Variants in FARP1 observed in about 807,000 individuals in gnomAD.
FARP1 encodes the protein FERM, ARH/RhoGEF and pleckstrin domain protein 1.
A neutral mutation model predicts 128.8 loss-of-function variants in FARP1; 52 were observed. The ratio of observed to expected loss-of-function variants is 0.40; its 90% CI spans 0.32 to 0.51. The LOEUF is 0.51. FARP1 is among the 20% of genes least tolerant of loss of function. FARP1 has a pLI of 0.45. For missense variants in FARP1, 1,333 were observed against 1,367.9 expected (o/e 0.97, Z 0.40); for synonymous variants, 580 against 551.8 (o/e 1.05, Z -0.72).
chr13:98,238,548 G>A (rs1202972586), intron 2 of FARP1, among the ~76,000 whole-genome samples: 1 of 152,166 alleles, frequency 6.6e-6, no homozygotes, highest in African/African-American at 2.4e-5. Flanking sequence ...CACAATCATG[G>A]CAGAAGGCAA....
intron 2 of FARP1, among the ~76,000 whole-genome samples, chr13:98,215,064 C>T (rs1168154089): frequency 1.3e-5 from 2 of 152,196 alleles, no homozygotes; most frequent in African/African-American, 4.8e-5. Context: ...TGTGTGCACT[C>T]ACTCCAGGGA....
chr13:98,408,226 C>T (rs1328933994), intron 13 of FARP1, among the ~76,000 whole-genome samples: 1 of 151,452 alleles, frequency 6.6e-6, no homozygotes, highest in East Asian at 1.9e-4. Context: ...CATGTAGCTT[C>T]ATTGGGTTGA....
chr13:98,445,836 A>C, intron 24 of FARP1: 1 of 395,806 alleles, frequency 2.5e-6, no homozygotes, highest in Non-Finnish European at 4.6e-6. Flanking sequence ...GTTCTAAGGT[A>C]CTGGTAGTCA....
chr13:98,265,715 A>G lies in FARP1; in HGVS notation c.171+52302A>G, dbSNP rs560724933. Among the ~76,000 whole-genome samples, 168 of 152,346 alleles carry G rather than the reference A, an allele frequency of 1.1e-3. 2 individuals are homozygous for G. Among genetic ancestry groups the G allele is most frequent in the African/African-American group, 3.8e-3 (157 of 41,572 alleles). On this transcript the variant is annotated intron_variant, in intron 2 of 26. Transcript: ENST00000319562. ...AACTGTGCTTCTCTGAGCTACACCC[A>G]TCCCTTGTTGCTTAACTGTAAAAAT...
chr13:98,321,630 T>A (rs1886995531), intron 2 of FARP1, among the ~76,000 whole-genome samples: 1 of 152,198 alleles, frequency 6.6e-6, no homozygotes, highest in African/African-American at 2.4e-5. Flanking sequence ...GACAGAAGGC[T>A]CTGTGACAAA....
intron 2 of FARP1, among the ~76,000 whole-genome samples, chr13:98,220,287 G>A (rs577894803): frequency 1.7e-4 from 26 of 152,246 alleles, no homozygotes; most frequent in South Asian, 6.2e-4. Context: ...CACATAAGAG[G>A]TGGAGGTGGT....
At chr13:98,233,946 C>T (rs559665749) in intron 2 of FARP1, 3 of 152,308 alleles carry the variant, frequency 2.0e-5, no homozygotes, top group African/African-American at 7.2e-5. Flanking sequence ...AGGAAATTAC[C>T]ATCCCACATC....
At chr13:98,287,204 A>AGGCCT (rs1327624660) in intron 2 of FARP1, among the ~76,000 whole-genome samples, 28 of 114,842 alleles carry the variant, frequency 2.4e-4, no homozygotes, top group Non-Finnish European at 3.5e-4. Flanking sequence ...ACCATCAGAC[A>AGGCCT]TGTCTTTTTT....
chr13:98,426,917 C>T (rs531014596), intron 17 of FARP1, among the ~76,000 whole-genome samples: 2 of 152,284 alleles, frequency 1.3e-5, no homozygotes, highest in Admixed American at 6.5e-5. Flanking sequence ...GCAATTTTAG[C>T]TTTACAGAAA....
intron 2 of FARP1, among the ~76,000 whole-genome samples, chr13:98,250,499 G>A (rs1345718760): frequency 6.6e-6 from 1 of 152,086 alleles, no homozygotes. Flanking sequence ...GAGGCGGGTG[G>A]ATCACGAGGT....
At chr13:98,446,864 C>G in intron 26 of FARP1, 47 bp downstream of exon 26, 3 of 1,594,612 alleles carry the variant, frequency 1.9e-6, no homozygotes, top group Non-Finnish European at 2.6e-6. Flanking sequence ...AGAGGACCCC[C>G]TCTTCCAAAC....
chr13:98,377,171 G>A (rs989321373), intron 5 of FARP1, among the ~76,000 whole-genome samples: 21 of 151,818 alleles, frequency 1.4e-4, no homozygotes, highest in African/African-American at 3.6e-4. Flanking sequence ...GCGTGGTGGC[G>A]TGCACCTGTA....
intron 3 of FARP1, among the ~76,000 whole-genome samples, chr13:98,350,768 T>C (rs969664074): frequency 6.6e-6 from 1 of 152,120 alleles, no homozygotes; most frequent in African/African-American, 2.4e-5. Context: ...CTCCCCGGGC[T>C]AGCCAATTCT....
At chr13:98,181,013 T>G (rs1878467149) in intron 1 of FARP1, among the ~76,000 whole-genome samples, 1 of 152,236 alleles carries the variant, frequency 6.6e-6, no homozygotes, top group Non-Finnish European at 1.5e-5. Context: ...TTAGGGTTGA[T>G]TCCTACAAAC....
chr13:98,372,748 G>A (rs1365278460), intron 5 of FARP1, among the ~76,000 whole-genome samples: 2 of 152,182 alleles, frequency 1.3e-5, no homozygotes, highest in African/African-American at 4.8e-5. Flanking sequence ...GTCTGCTCCT[G>A]CCATAATCGT....
At chr13:98,408,309 C>A (rs575212522) in intron 13 of FARP1, among the ~76,000 whole-genome samples, 1 of 142,458 alleles carries the variant, frequency 7.0e-6, no homozygotes, top group South Asian at 2.2e-4. Flanking sequence ...TGACTCATAG[C>A]GGGTAATATA....
chr13:98,417,365 C>T (rs1189203561), intron 16 of FARP1, among the ~76,000 whole-genome samples: 18 of 146,550 alleles, frequency 1.2e-4, no homozygotes, highest in African/African-American at 2.3e-4. Flanking sequence ...AGAATCTTCT[C>T]GACTATACCT....
At chr13:98,250,546 C>G (rs1883272778) in intron 2 of FARP1, among the ~76,000 whole-genome samples, 1 of 151,972 alleles carries the variant, frequency 6.6e-6, no homozygotes, top group South Asian at 2.1e-4. Flanking sequence ...CATGGTGAAA[C>G]CCCATCTCTG....
At chr13:98,310,684 G>A (rs539747488) in intron 2 of FARP1, among the ~76,000 whole-genome samples, 2 of 152,198 alleles carry the variant, frequency 1.3e-5, no homozygotes, top group South Asian at 4.1e-4. Flanking sequence ...ACTGGTGGTG[G>A]TGGGTGGTGG....
Sources: gnomAD v4.1 joint callset for allele counts (sites outside exome capture counted in the v4.1 genomes callset) on GRCh38, gnomAD v4.1.1 for gene constraint, MANE v1.5 for transcripts, NCBI Gene and HGNC (gene_info 2026-07-23, HGNC 2026-07-21) for gene names.